The following RHPN2 variants were observed in gnomAD, a reference collection of about 807,000 sequenced individuals.
RHPN2 encodes the protein rhophilin-2.
A neutral mutation model predicts 79.0 loss-of-function variants in RHPN2; 40 were observed. The observed-to-expected ratio is 0.51, with a 90% CI of 0.39 to 0.66. RHPN2 has a LOEUF of 0.66. Among genes scored for constraint, RHPN2 ranks in the 30% least tolerant of loss-of-function variants. The probability of loss-of-function intolerance (pLI) is 0.00; values close to 1 mark genes in which losing one functional copy is unlikely to be tolerated. For synonymous variants in RHPN2, 285 were observed against 363.5 expected, an observed-to-expected ratio of 0.78 and a Z score of 2.46; for missense variants, 686 against 883.5, an observed-to-expected ratio of 0.78 and a Z score of 2.83.
At chr19:32,985,552 A>C (rs1474110623) in intron 14 of RHPN2, among the ~76,000 whole-genome samples, 1 of 152,172 alleles carries the variant, frequency 6.6e-6, no homozygotes. Flanking sequence ...TGGGAGGATC[A>C]CGTAAGCCCA....
chr19:33,041,668 T>C (rs933145803), intron 2 of RHPN2, among the ~76,000 whole-genome samples: 5 of 152,160 alleles, frequency 3.3e-5, no homozygotes, highest in African/African-American at 1.2e-4. Context: ...AGTTCCCTGC[T>C]CACAGGGGCC....
At chr19:32,994,300 G>C (rs1971683795) in intron 11 of RHPN2, among the ~76,000 whole-genome samples, 1 of 152,086 alleles carries the variant, frequency 6.6e-6, no homozygotes, top group Admixed American at 6.6e-5. Context: ...GGAGGCTGAG[G>C]CAGGAGAATC....
chr19:33,032,345 C>T (rs1172345191), intron 2 of RHPN2, among the ~76,000 whole-genome samples: 4 of 152,006 alleles, frequency 2.6e-5, no homozygotes, highest in African/African-American at 7.2e-5. Context: ...GGCTTCATTA[C>T]GTATAGATGA....
rs747715669 is a variant in RHPN2, at chr19:33,044,295, T to C, written c.139A>G (p.Ile47Val). 9.3e-6 allele frequency: 15 copies of C among 1,614,114 alleles called. 1 individual carries two copies. In the South Asian group the frequency reaches 1.5e-4, roughly 17 times the overall value. Residue 47 changes from isoleucine to valine, a missense_variant, in exon 2 of 15, where the codon ATC becomes GTC. Coordinates refer to ENST00000254260, the MANE Select transcript of RHPN2 (RefSeq NM_033103.5). ...QNQRAALNQQ[I>V]LKAVRMRTGA... is the part of the protein sequence containing the mutation. ...GTCCTCATCCGCACGGCTTTCAGGA[T>C]CTGCTGATTCAAAGCAGCTCTTTGA... is the stretch of plus-strand genomic sequence containing the variant.
chr19:33,064,866 G>A lies in RHPN2; in HGVS notation c.-14C>T, dbSNP rs553172780. 4.0e-6 allele frequency: 6 copies of A among 1,500,952 alleles called. No individual in the cohort carries two copies. In the South Asian group the frequency reaches 4.9e-5, roughly 12 times the overall value. 93.0% of individuals were successfully genotyped at this position (1,500,952 alleles called of 1,614,324 possible). On this transcript the variant is annotated 5_prime_UTR_variant, in exon 1 of 15. Coordinates refer to ENST00000254260, the MANE Select transcript of RHPN2 (RefSeq NM_033103.5). ...CGCGTCGGTCATGCTAGCGGCGCGG[G>A]CGCGGAGGGCGGACGGCGGACTGAG... is the stretch of plus-strand genomic sequence containing the variant.
At position 32,980,194 on chromosome 19, in the gene RHPN2, G is replaced by A; in HGVS notation, c.1863C>T (p.Ala621=). The part of the protein sequence containing the change: ...MQKTYSMICL[A]IDDDDKTDKT... Reference sequence around the variant, plus strand: ...TATCAGTTTTGTCGTCATCATCAATGGCTAAGCAGATCATGGAGTACGTTT... The same window carrying A: ...TATCAGTTTTGTCGTCATCATCAATAGCTAAGCAGATCATGGAGTACGTTT... Residue 621 remains alanine, a synonymous_variant, in exon 15 of 15, where the codon GCC becomes GCT. Coordinates refer to ENST00000254260, the MANE Select transcript of RHPN2 (RefSeq NM_033103.5). 2 of 1,613,842 alleles carry A rather than the reference G, an allele frequency of 1.2e-6. No homozygotes were observed. Among genetic ancestry groups the A allele is most frequent in the Non-Finnish European group, 1.7e-6 (2 of 1,179,804 alleles).
intron 1 of RHPN2, among the ~76,000 whole-genome samples, chr19:33,064,482 G>A (rs945995972): frequency 5.9e-5 from 9 of 152,130 alleles, no homozygotes; most frequent in Non-Finnish European, 8.8e-5. Context: ...GGGGTGGCGG[G>A]GGGTGGGAGG....
chr19:33,021,930 G>T (rs1971927506), intron 3 of RHPN2, among the ~76,000 whole-genome samples: 1 of 151,834 alleles, frequency 6.6e-6, no homozygotes, highest in Non-Finnish European at 1.5e-5. Flanking sequence ...ATGCCTCAAT[G>T]GTTCCTTTTT....
intron 1 of RHPN2, 23 bp downstream of exon 1, chr19:33,064,761 C>T: frequency 2.3e-6 from 3 of 1,308,914 alleles, no homozygotes; most frequent in Non-Finnish European, 3.1e-6. Context: ...CAGGTCCCCG[C>T]CCGCCCGCCC....
chr19:32,993,172 T>C (rs1355201306), intron 12 of RHPN2, among the ~76,000 whole-genome samples: 2 of 149,774 alleles, frequency 1.3e-5, no homozygotes, highest in East Asian at 4.0e-4. Context: ...ACCTAAAAAC[T>C]ACCTTTAAAA....
At chr19:33,004,301 A>G (rs1044191475) in intron 7 of RHPN2, among the ~76,000 whole-genome samples, 16 of 152,086 alleles carry the variant, frequency 1.1e-4, no homozygotes, top group Non-Finnish European at 2.2e-4. Flanking sequence ...CAGCCTCCCA[A>G]AGTGCTGAGA....
intron 1 of RHPN2, among the ~76,000 whole-genome samples, chr19:33,054,180 G>GC (rs1175461701): frequency 6.9e-6 from 1 of 145,856 alleles, no homozygotes; most frequent in Non-Finnish European, 1.5e-5. Flanking sequence ...TTTACCACCT[G>GC]CCCTTTTTTC....
chr19:32,992,630 G>A (rs1971670053), intron 12 of RHPN2, among the ~76,000 whole-genome samples: 1 of 151,556 alleles, frequency 6.6e-6, no homozygotes, highest in African/African-American at 2.4e-5. Flanking sequence ...GCAATATAGT[G>A]GGAACCATTC....
intron 2 of RHPN2, among the ~76,000 whole-genome samples, chr19:33,039,983 G>C (rs1972087706): frequency 6.6e-6 from 1 of 150,700 alleles, no homozygotes; most frequent in Non-Finnish European, 1.5e-5. Flanking sequence ...ATCCAGACAG[G>C]GCATATGCTG....
chr19:32,980,216 G>A lies in RHPN2; in HGVS notation c.1841C>T (p.Thr614Met), dbSNP rs1464164297. The A allele has an allele frequency of 4.3e-6, 7 of 1,613,750 alleles. No homozygotes were observed. Among genetic ancestry groups the A allele is most frequent in the Non-Finnish European group, 5.1e-6 (6 of 1,179,718 alleles). The change falls in exon 15 of 15, where the codon ACG (threonine) becomes ATG (methionine). Residue 614 changes from threonine to methionine, a missense_variant. Transcript: ENST00000254260. ...SATYSVGMQK[T>M]YSMICLAIDD... ...AATGGCTAAGCAGATCATGGAGTAC[G>A]TTTTCTGCATTCCCACGGAGTATGT...
intron 2 of RHPN2, among the ~76,000 whole-genome samples, chr19:33,036,186 ATT>A (rs530097897): frequency 4.7e-4 from 65 of 139,552 alleles, no homozygotes; most frequent in Admixed American, 5.8e-4. Flanking sequence ...AAGAAAATTA[ATT>A]TTTTTTTTTT....
intron 5 of RHPN2, among the ~76,000 whole-genome samples, chr19:33,012,026 A>G (rs1599817620): frequency 7.0e-6 from 1 of 143,744 alleles, no homozygotes; most frequent in Non-Finnish European, 1.5e-5. Context: ...CTCCCCTTCT[A>G]TGGTTTTCCT....
chr19:33,038,636 A>G (rs1972076769), intron 2 of RHPN2, among the ~76,000 whole-genome samples: 1 of 151,098 alleles, frequency 6.6e-6, no homozygotes, highest in Non-Finnish European at 1.5e-5. Context: ...TTACAGGCGC[A>G]CACCACCACA....
intron 4 of RHPN2, among the ~76,000 whole-genome samples, chr19:33,018,906 C>G (rs1364568508): frequency 6.6e-6 from 1 of 151,512 alleles, no homozygotes; most frequent in African/African-American, 2.4e-5. Context: ...TGGCGGGTGC[C>G]TGTAATCCCA....
Sources: allele counts gnomAD v4.1 joint callset (sites outside exome capture counted in the v4.1 genomes callset), GRCh38; gene constraint gnomAD v4.1.1; transcripts MANE v1.5; gene names NCBI Gene and HGNC (gene_info 2026-07-23, HGNC 2026-07-21).